The following ARMC2 variants were observed in gnomAD, a reference collection of about 807,000 sequenced individuals.
ARMC2 encodes armadillo repeat containing 2.
ARMC2 carries 67 observed loss-of-function variants against 90.3 expected under a neutral mutation model. The observed-to-expected ratio is 0.74, with a 90% CI of 0.61 to 0.91. The LOEUF is 0.91. Ranked by LOEUF, ARMC2 falls within the 40% of genes least tolerant of loss-of-function variation. The pLI, the probability that ARMC2 is intolerant of heterozygous loss-of-function variation, is 0.00. For synonymous variants in ARMC2, 393 were observed against 393.0 expected (o/e 1.00, Z 0.00); for missense variants, 920 against 1,030.9 (o/e 0.89, Z 1.47).
At chr6:108,957,941 G>A (rs932348307) in intron 13 of ARMC2, among the ~76,000 whole-genome samples, 8 of 152,164 alleles carry the variant, frequency 5.3e-5, no homozygotes, top group South Asian at 4.1e-4. Flanking sequence ...CTTCCGCAGC[G>A]TTCTGTGGAA....
chr6:108,994,441 CTA>C, the ARMC2 span: 1 of 1,581,404 alleles, frequency 6.3e-7, no homozygotes, highest in Non-Finnish European at 8.6e-7. Context: ...ATTATATTGA[CTA>C]TATAATGGTT....
intron 10 of ARMC2, among the ~76,000 whole-genome samples, chr6:108,927,315 C>A (rs537315436): frequency 1.3e-5 from 2 of 152,312 alleles, no homozygotes; most frequent in East Asian, 3.9e-4. Context: ...AGGGAAGTAT[C>A]ATCACCTCTA....
intron 5 of ARMC2, among the ~76,000 whole-genome samples, chr6:108,879,592 G>GTCCA (rs539899853): frequency 0.018 from 2,086 of 113,450 alleles, 17 homozygotes; most frequent in Middle Eastern, 0.036. Context: ...CCACCTGTTC[G>GTCCA]TCCATCCATC....
chr6:109,000,782 A>T, the ARMC2 span: 1 of 928,106 alleles, frequency 1.1e-6, no homozygotes, highest in Non-Finnish European at 1.4e-6. Flanking sequence ...TATGTTTTCA[A>T]ATTTTCCGTA....
chr6:108,966,013 G>C (rs1778344978), intron 17 of ARMC2, among the ~76,000 whole-genome samples: 1 of 148,360 alleles, frequency 6.7e-6, no homozygotes, highest in South Asian at 2.2e-4. Context: ...TTCTTCCTGG[G>C]TTAATTCTAA....
intron 5 of ARMC2, among the ~76,000 whole-genome samples, chr6:108,890,839 G>T (rs1770944272): frequency 6.6e-6 from 1 of 152,100 alleles, no homozygotes; most frequent in African/African-American, 2.4e-5. Context: ...ATGTGCCATG[G>T]TGGTTTGCTG....
At chr6:109,009,512 C>G in the ARMC2 span, 1 of 1,200,154 alleles carries the variant, frequency 8.3e-7, no homozygotes, top group Non-Finnish European at 1.0e-6. Context: ...GCTGGGCAGC[C>G]GGCCGCGGCT....
intron 2 of ARMC2, chr6:108,856,346 T>A (rs914103647): frequency 1.3e-5 from 2 of 153,392 alleles, no homozygotes; most frequent in African/African-American, 2.4e-5. Flanking sequence ...AAAGTTTTAC[T>A]TGTTAATTTC....
the ARMC2 span, among the ~76,000 whole-genome samples, chr6:109,051,508 T>A: frequency 6.6e-6 from 1 of 152,180 alleles, no homozygotes; most frequent in Non-Finnish European, 1.5e-5. Context: ...TCTTATTACC[T>A]TTTTGCTTAC....
rs375446603 is a variant in ARMC2, at chr6:108,904,349, C to G, written c.967C>G (p.Leu323Val). The G allele has an allele frequency of 6.2e-7, 1 of 1,613,242 alleles. No individual in the cohort carries two copies. Among genetic ancestry groups the G allele is most frequent in the Non-Finnish European group, 8.5e-7 (1 of 1,179,710 alleles). ...RSILLKTLCK[L>V]VDVGSDSLSL... ...TATTCTCCTGAAGACCCTGTGTAAA[C>G]TAGTTGATGTTGGTTCAGACTCGCT... Residue 323 changes from leucine (L) to valine (V), a missense_variant, in exon 8 of 18, where the codon CTA (leucine) becomes GTA (valine). Coordinates refer to ENST00000392644, the MANE Select transcript of ARMC2 (RefSeq NM_032131.6).
chr6:108,864,466 C>T (rs1279901555), intron 3 of ARMC2, among the ~76,000 whole-genome samples: 1 of 152,160 alleles, frequency 6.6e-6, no homozygotes, highest in Non-Finnish European at 1.5e-5. Context: ...CCAGAATGGT[C>T]TCGATCTCTT....
At chr6:109,001,025 G>C in the ARMC2 span, among the ~76,000 whole-genome samples, 1 of 152,058 alleles carries the variant, frequency 6.6e-6, no homozygotes, top group African/African-American at 2.4e-5. Context: ...ATGTCAATGT[G>C]AACTATTTAT....
intron 10 of ARMC2, among the ~76,000 whole-genome samples, chr6:108,915,122 T>C (rs1773820915): frequency 6.6e-6 from 1 of 151,862 alleles, no homozygotes. Context: ...CTGGCTAATT[T>C]TTTTTGTATT....
the ARMC2 span, among the ~76,000 whole-genome samples, chr6:108,995,031 G>A: frequency 6.6e-6 from 1 of 152,018 alleles, no homozygotes; most frequent in Non-Finnish European, 1.5e-5. Flanking sequence ...AGAATATAGG[G>A]AAAATATTCC....
At chr6:108,853,970 T>C (rs964489180) in intron 1 of ARMC2, among the ~76,000 whole-genome samples, 2 of 152,142 alleles carry the variant, frequency 1.3e-5, no homozygotes, top group Admixed American at 6.5e-5. Context: ...CTTTCATGAT[T>C]AGTCTTTCTC....
chr6:109,049,306 T>A, the ARMC2 span, among the ~76,000 whole-genome samples: 1 of 151,138 alleles, frequency 6.6e-6, no homozygotes, highest in South Asian at 2.1e-4. Context: ...TTCTCACTCA[T>A]ATGTGAAAGC....
chr6:108,904,102 A>G (rs1772423060), intron 7 of ARMC2, 128 bp from the exon 8 acceptor site: 1 of 1,088,618 alleles, frequency 9.2e-7, no homozygotes, highest in African/African-American at 1.6e-5. Flanking sequence ...AGAAAAAAAT[A>G]GAGGTCAGGA....
intron 8 of ARMC2, among the ~76,000 whole-genome samples, 165 bp downstream of exon 8, chr6:108,904,570 ATAT>A (rs1772475772): frequency 6.6e-6 from 1 of 152,080 alleles, no homozygotes; most frequent in African/African-American, 2.4e-5. Flanking sequence ...TGACTAGGAA[ATAT>A]TATCTAAGGA....
intron 10 of ARMC2, among the ~76,000 whole-genome samples, chr6:108,923,313 A>G (rs933293527): frequency 6.6e-6 from 1 of 152,216 alleles, no homozygotes; most frequent in African/African-American, 2.4e-5. Context: ...GAAAGTTAAG[A>G]AAGAAATGGA....
Sources: gnomAD v4.1 joint callset for allele counts (sites outside exome capture counted in the v4.1 genomes callset) on GRCh38, gnomAD v4.1.1 for gene constraint, MANE v1.5 for transcripts, NCBI Gene and HGNC (gene_info 2026-07-23, HGNC 2026-07-21) for gene names.